The following CDH8 variants were observed in gnomAD, a reference collection of about 807,000 sequenced individuals.
CDH8 encodes the protein cadherin-8.
CDH8 carries 17 observed loss-of-function variants against 68.1 expected under a neutral mutation model. The ratio of observed to expected loss-of-function variants is 0.25; its 90% CI spans 0.17 to 0.37. The LOEUF (loss-of-function observed/expected upper bound fraction) is 0.37, where lower values mean the gene tolerates loss of function less well. CDH8 is among the 10% of genes least tolerant of loss of function. The pLI, the probability that CDH8 is intolerant of heterozygous loss-of-function variation, is 1.00. For synonymous variants in CDH8, 372 were observed against 365.1 expected, an observed-to-expected ratio of 1.02 and a Z score of -0.21; for missense variants, 763 against 999.3, an observed-to-expected ratio of 0.76 and a Z score of 3.19.
intron 3 of CDH8, among the ~76,000 whole-genome samples, chr16:61,897,240 CT>C (rs1210119483): frequency 6.6e-6 from 1 of 151,840 alleles, no homozygotes; most frequent in African/African-American, 2.4e-5. Context: ...CATAAAGGCA[CT>C]TCATTACGTA....
chr16:61,702,517 C>T (rs549278105), intron 10 of CDH8, among the ~76,000 whole-genome samples: 3 of 152,284 alleles, frequency 2.0e-5, no homozygotes, highest in East Asian at 1.9e-4. Context: ...ATAGTTGCTG[C>T]TCATGAAGTA....
At chr16:61,957,996 A>G (rs1965014663) in intron 2 of CDH8, among the ~76,000 whole-genome samples, 1 of 152,216 alleles carries the variant, frequency 6.6e-6, no homozygotes, top group South Asian at 2.1e-4. Flanking sequence ...GATAGTTAAC[A>G]TACGCTGCAA....
chr16:61,838,141 C>G (rs578121155), intron 4 of CDH8, among the ~76,000 whole-genome samples: 6 of 152,164 alleles, frequency 3.9e-5, no homozygotes, highest in Non-Finnish European at 7.4e-5. Flanking sequence ...AAAATTAACT[C>G]TATATCAAAT....
chr16:62,032,560 C>T (rs999682447), intron 1 of CDH8, among the ~76,000 whole-genome samples: 2 of 152,112 alleles, frequency 1.3e-5, no homozygotes, highest in African/African-American at 4.8e-5. Context: ...AACTTTGTAA[C>T]AAATATAAAA....
intron 2 of CDH8, among the ~76,000 whole-genome samples, chr16:61,996,799 T>G (rs1331734462): frequency 6.6e-6 from 1 of 152,166 alleles, no homozygotes; most frequent in Non-Finnish European, 1.5e-5. Context: ...AAAGCTGGTC[T>G]CGAACTCCCG....
intron 9 of CDH8, chr16:61,726,893 G>C: frequency 1.8e-6 from 1 of 555,938 alleles, no homozygotes; most frequent in South Asian, 2.7e-5. Flanking sequence ...TCCACTTTAG[G>C]AGCCAATTTG....
At chr16:62,025,652 A>G (rs1188076605) in intron 1 of CDH8, among the ~76,000 whole-genome samples, 1 of 152,196 alleles carries the variant, frequency 6.6e-6, no homozygotes, top group Admixed American at 6.5e-5. Flanking sequence ...ATTTTGCCAA[A>G]TTCTTAAATC....
At chr16:61,831,433 A>C (rs1962452126) in intron 4 of CDH8, among the ~76,000 whole-genome samples, 1 of 151,822 alleles carries the variant, frequency 6.6e-6, no homozygotes, top group African/African-American at 2.4e-5. Context: ...TTATTCAATC[A>C]AATGGAGATT....
At chr16:61,784,275 G>A (rs1385666615) in intron 8 of CDH8, among the ~76,000 whole-genome samples, 2 of 151,742 alleles carry the variant, frequency 1.3e-5, no homozygotes, top group African/African-American at 2.4e-5. Flanking sequence ...AAAAAAGGCA[G>A]GGGTTGCAAT....
intron 4 of CDH8, among the ~76,000 whole-genome samples, chr16:61,856,687 T>C (rs1231508591): frequency 1.3e-5 from 2 of 152,158 alleles, no homozygotes; most frequent in African/African-American, 4.8e-5. Flanking sequence ...CACTGTGTGT[T>C]TGGTATTTAT....
chr16:61,986,987 C>T (rs532067092), intron 2 of CDH8, among the ~76,000 whole-genome samples: 1 of 152,308 alleles, frequency 6.6e-6, no homozygotes, highest in East Asian at 1.9e-4. Flanking sequence ...CAATGAGAAT[C>T]ACGACTTAAG....
At chr16:61,985,602 C>T (rs529752903) in intron 2 of CDH8, among the ~76,000 whole-genome samples, 62 of 152,286 alleles carry the variant, frequency 4.1e-4, no homozygotes, top group Admixed American at 1.2e-3. Flanking sequence ...AAGCGATTCT[C>T]CTGCCTCAGC....
chr16:61,687,471 T>C (rs1351289831), intron 10 of CDH8, among the ~76,000 whole-genome samples: 1 of 151,984 alleles, frequency 6.6e-6, no homozygotes, highest in African/African-American at 2.4e-5. Flanking sequence ...GCACCTAGGT[T>C]TCCTGATGCC....
chr16:61,749,367 C>T (rs1014765545), intron 8 of CDH8, among the ~76,000 whole-genome samples: 4 of 152,014 alleles, frequency 2.6e-5, no homozygotes, highest in Non-Finnish European at 4.4e-5. Flanking sequence ...TATATACAGC[C>T]TTTCAGAAGC....
chr16:61,919,288 A>T (rs1354434198), intron 2 of CDH8, among the ~76,000 whole-genome samples: 5 of 148,570 alleles, frequency 3.4e-5, no homozygotes, highest in South Asian at 2.2e-4. Context: ...GCAGTTCCTC[A>T]CCAGCAACGG....
intron 2 of CDH8, among the ~76,000 whole-genome samples, chr16:61,919,041 C>T (rs1221644884): frequency 6.8e-6 from 1 of 147,128 alleles, no homozygotes; most frequent in Non-Finnish European, 1.5e-5. Context: ...GGAGGCACCC[C>T]CCAGCAGGGG....
At chr16:62,001,824 G>A (rs570446980) in intron 2 of CDH8, among the ~76,000 whole-genome samples, 2 of 152,078 alleles carry the variant, frequency 1.3e-5, no homozygotes, top group African/African-American at 4.8e-5. Flanking sequence ...CTTCCCCCTC[G>A]CCCTCCAAAC....
At chr16:61,873,431 A>G (rs1963406241) in intron 3 of CDH8, among the ~76,000 whole-genome samples, 1 of 152,190 alleles carries the variant, frequency 6.6e-6, no homozygotes, top group Non-Finnish European at 1.5e-5. Flanking sequence ...GGCCCCCCAC[A>G]TGAAGAACTG....
intron 10 of CDH8, among the ~76,000 whole-genome samples, chr16:61,682,188 A>G (rs1964025560): frequency 2.0e-5 from 3 of 152,092 alleles, no homozygotes; most frequent in African/African-American, 7.2e-5. Flanking sequence ...TCCTTTTATA[A>G]TAAGTCATTG....
Sources: allele counts gnomAD v4.1 joint callset (sites outside exome capture counted in the v4.1 genomes callset), GRCh38; gene constraint gnomAD v4.1.1; transcripts MANE v1.5; gene names NCBI Gene and HGNC (gene_info 2026-07-23, HGNC 2026-07-21).